CNTN4: variants seen among roughly 807,000 people sequenced by gnomAD.
The protein encoded by CNTN4 is contactin-4.
CNTN4 carries 77 observed loss-of-function variants against 122.5 expected under a neutral mutation model. The ratio of observed to expected loss-of-function variants is 0.63; its 90% CI spans 0.52 to 0.76. The LOEUF (loss-of-function observed/expected upper bound fraction) is 0.76. CNTN4 is among the 30% of genes least tolerant of loss of function. The pLI, the probability that CNTN4 is intolerant of heterozygous loss-of-function variation, is 0.00. For synonymous variants in CNTN4, 512 were observed against 447.0 expected, an observed-to-expected ratio of 1.15 and a Z score of -1.83; for missense variants, 1,256 against 1,259.1, an observed-to-expected ratio of 1.00 and a Z score of 0.04.
At chr3:2,226,710 C>A (rs971101771) in intron 2 of CNTN4, among the ~76,000 whole-genome samples, 2 of 152,034 alleles carry the variant, frequency 1.3e-5, no homozygotes, top group Non-Finnish European at 2.9e-5. Flanking sequence ...TTAAAACTTT[C>A]TTTCTCACTG....
intron 13 of CNTN4, among the ~76,000 whole-genome samples, chr3:2,972,002 T>C (rs1285236179): frequency 6.6e-6 from 1 of 152,196 alleles, no homozygotes; most frequent in East Asian, 1.9e-4. Flanking sequence ...TAAACCTGAA[T>C]GCTTATATAA....
At chr3:2,576,820 TTA>T (rs2079711155) in intron 4 of CNTN4, among the ~76,000 whole-genome samples, 9 of 152,308 alleles carry the variant, frequency 5.9e-5, no homozygotes, top group Admixed American at 5.2e-4. Context: ...AGTGCTGGGA[TTA>T]TAGGCATGAG....
intron 4 of CNTN4, among the ~76,000 whole-genome samples, chr3:2,579,149 G>C (rs1456862192): frequency 6.6e-6 from 1 of 152,206 alleles, no homozygotes; most frequent in East Asian, 1.9e-4. Flanking sequence ...GATATGCTCA[G>C]CCATGCTGGA....
At chr3:2,101,500 G>A (rs964220146) in intron 2 of CNTN4, among the ~76,000 whole-genome samples, 5 of 152,064 alleles carry the variant, frequency 3.3e-5, no homozygotes, top group African/African-American at 1.2e-4. Context: ...TATTATTTTA[G>A]TTGAATAAGT....
intron 3 of CNTN4, among the ~76,000 whole-genome samples, chr3:2,398,358 G>T (rs183342469): frequency 5.1e-4 from 77 of 152,052 alleles, no homozygotes; most frequent in Non-Finnish European, 9.9e-4. Context: ...CTTTCTATAG[G>T]CAAATTAGGG....
chr3:2,111,125 T>G (rs1474212036), intron 2 of CNTN4, among the ~76,000 whole-genome samples: 1 of 152,202 alleles, frequency 6.6e-6, no homozygotes, highest in Non-Finnish European at 1.5e-5. Flanking sequence ...GTATTTACCC[T>G]TTATTTTCTT....
chr3:2,771,917 C>T (rs1457816971), intron 6 of CNTN4, among the ~76,000 whole-genome samples: 1 of 152,082 alleles, frequency 6.6e-6, no homozygotes, highest in Non-Finnish European at 1.5e-5. Context: ...GTTAAAGAGG[C>T]CAAGAGAGCT....
At chr3:2,484,679 C>T (rs1273822679) in intron 3 of CNTN4, among the ~76,000 whole-genome samples, 1 of 152,244 alleles carries the variant, frequency 6.6e-6, no homozygotes, top group Non-Finnish European at 1.5e-5. Context: ...TGCTGCTATC[C>T]TGCTGACATG....
chr3:2,197,467 A>G (rs1211600046), intron 2 of CNTN4, among the ~76,000 whole-genome samples: 4 of 152,222 alleles, frequency 2.6e-5, no homozygotes, highest in Non-Finnish European at 5.9e-5. Context: ...CAGTGCCTTA[A>G]TGCACTACAT....
intron 6 of CNTN4, among the ~76,000 whole-genome samples, chr3:2,776,490 T>G (rs553316770): frequency 1.3e-5 from 2 of 152,220 alleles, no homozygotes; most frequent in East Asian, 3.9e-4. Context: ...AGTCAGTAAT[T>G]AAGAGGTCAA....
intron 3 of CNTN4, among the ~76,000 whole-genome samples, chr3:2,431,657 A>G (rs2048076917): frequency 6.6e-6 from 1 of 152,248 alleles, no homozygotes; most frequent in South Asian, 2.1e-4. Flanking sequence ...CGCTGAGGAC[A>G]CAGTAGAGAG....
At chr3:2,655,935 G>A (rs967631461) in intron 4 of CNTN4, among the ~76,000 whole-genome samples, 1 of 152,044 alleles carries the variant, frequency 6.6e-6, no homozygotes, top group Non-Finnish European at 1.5e-5. Context: ...AATAGAACTT[G>A]AAAAAATGGT....
chr3:2,149,359 T>A lies in CNTN4; in HGVS notation c.-145+48720T>A, dbSNP rs554076219. ...CACATTTATATGAGGGTAAGTTCAA[T>A]GGCAACTTTTAGTCTGTAGAGGGAT... is the stretch of plus-strand genomic sequence containing the variant. On this transcript the variant is annotated intron_variant, in intron 2 of 24. Transcript: ENST00000418658. Among the ~76,000 whole-genome samples the A allele has an allele frequency of 1.2e-4, 18 of 152,274 alleles. 1 individual carries two copies. In the East Asian group the frequency reaches 1.4e-3, roughly 11 times the overall value.
intron 7 of CNTN4, 56 bp from the exon 8 acceptor site, chr3:2,866,696 C>A (rs2093727716): frequency 1.3e-6 from 2 of 1,481,640 alleles, no homozygotes; most frequent in Non-Finnish European, 1.9e-6. Flanking sequence ...TTCATGAAAA[C>A]AGTAGAGTTC....
At chr3:2,291,513 A>G (rs552752043) in intron 2 of CNTN4, among the ~76,000 whole-genome samples, 26 of 152,166 alleles carry the variant, frequency 1.7e-4, no homozygotes, top group Non-Finnish European at 3.1e-4. Flanking sequence ...ATTTTTAATT[A>G]TGATATTATG....
At position 2,963,169 on chromosome 3, in the gene CNTN4, A is replaced by G. The variant is rs551680330; in HGVS notation, c.1359-25176A>G. Reference sequence around the variant, plus strand: ...TCACCGTTTCTCTAGTCTATGCCACATCTGCCCCCATCATTATCATATCTC... The same window carrying G: ...TCACCGTTTCTCTAGTCTATGCCACGTCTGCCCCCATCATTATCATATCTC... On this transcript the variant is annotated intron_variant, in intron 13 of 24. Coordinates refer to ENST00000418658, the MANE Select transcript of CNTN4 (RefSeq NM_175607.3). Among the ~76,000 whole-genome samples the G allele has an allele frequency of 3.9e-5, 6 of 152,274 alleles. No individual in the cohort carries two copies. In the South Asian group the frequency reaches 1.2e-3, roughly 32 times the overall value.
chr3:2,835,157 A>G lies in CNTN4; in HGVS notation c.454+15576A>G, dbSNP rs1576992648. On this transcript the variant is annotated intron_variant, in intron 7 of 24. Transcript: ENST00000418658. The stretch of plus-strand genomic sequence containing the variant: ...CCTGATCTCGCGATCCGCCCGCCTC[A>G]GCCTCCCAAAGTGCTGGGATTACAG... 2.6e-5 allele frequency among the ~76,000 whole-genome samples: 4 copies of G among 151,998 alleles called. No homozygotes were observed. In the South Asian group the frequency reaches 6.2e-4, roughly 24 times the overall value.
chr3:2,114,509 C>A (rs184133903), intron 2 of CNTN4, among the ~76,000 whole-genome samples: 1 of 151,924 alleles, frequency 6.6e-6, no homozygotes, highest in Non-Finnish European at 1.5e-5. Context: ...TGTACAATGG[C>A]CATGGGCTTA....
At chr3:2,605,559 G>A (rs2149782210) in intron 4 of CNTN4, among the ~76,000 whole-genome samples, 1 of 152,280 alleles carries the variant, frequency 6.6e-6, no homozygotes, top group Middle Eastern at 3.4e-3. Context: ...GGAAGCAGGA[G>A]CACAGCTGGG....
Sources: allele counts gnomAD v4.1 joint callset (sites outside exome capture counted in the v4.1 genomes callset), GRCh38; gene constraint gnomAD v4.1.1; transcripts MANE v1.5; gene names NCBI Gene and HGNC (gene_info 2026-07-23, HGNC 2026-07-21).